Variants in EPHB4 observed in about 807,000 individuals in gnomAD.
EPHB4 encodes ephrin type-B receptor 4.
In EPHB4, 50 loss-of-function variants were observed where a neutral mutation model predicts 110.6. The observed-to-expected ratio is 0.45, with a 90% CI of 0.36 to 0.57. The LOEUF (loss-of-function observed/expected upper bound fraction) is 0.57. Among genes scored for constraint, EPHB4 ranks in the 20% least tolerant of loss-of-function variants. The probability of loss-of-function intolerance (pLI) is 0.00; values close to 1 mark genes in which losing one functional copy is unlikely to be tolerated. For missense variants in EPHB4, 1,128 were observed against 1,382.1 expected, an observed-to-expected ratio of 0.82 and a Z score of 2.91; for synonymous variants, 592 against 578.4, an observed-to-expected ratio of 1.02 and a Z score of -0.34.
intron 12 of EPHB4, among the ~76,000 whole-genome samples, chr7:100,811,901 G>A (rs1423860627): frequency 1.3e-5 from 2 of 151,842 alleles, no homozygotes; most frequent in Non-Finnish European, 2.9e-5. Context: ...GCCGGGCGCG[G>A]TGGCTCACGT....
intron 12 of EPHB4, among the ~76,000 whole-genome samples, chr7:100,811,058 T>C (rs1189686338): frequency 1.3e-5 from 2 of 152,028 alleles, no homozygotes; most frequent in African/African-American, 4.8e-5. Flanking sequence ...AAGACCAGCC[T>C]GGGCAACATG....
At chr7:100,814,305 G>A (rs12154438) in intron 8 of EPHB4, among the ~76,000 whole-genome samples, 15 of 152,228 alleles carry the variant, frequency 9.9e-5, no homozygotes, top group Admixed American at 9.8e-4. Flanking sequence ...TTGAGACGCA[G>A]TCTCACTCTG....
chr7:100,806,861 G>C lies in EPHB4; in HGVS notation c.2335-292C>G, dbSNP rs1259879978. 3.9e-5 allele frequency among the ~76,000 whole-genome samples: 6 copies of C among 152,112 alleles called. No homozygotes were observed. In the South Asian group the frequency reaches 6.2e-4, roughly 16 times the overall value. On this transcript the variant is annotated intron_variant, in intron 13 of 16. Coordinates refer to ENST00000358173, the MANE Select transcript of EPHB4 (RefSeq NM_004444.5). ...AATTTTGTATTTTTAGTAGCGACAG[G>C]GTTTTCCCATGTTGGCCAGGCTGGT...
At position 100,823,634 on chromosome 7, in the gene EPHB4, AC is replaced by A. The variant is rs1355294259; in HGVS notation, c.411+9del. 18 of 1,608,820 alleles carry A rather than the reference AC, an allele frequency of 1.1e-5. No homozygotes were observed. The highest frequency in any genetic ancestry group is 1.4e-5 in the Non-Finnish European group (17 of 1,176,880). ...TTGGCTGTGGCTGAGCCCTGGGGGC[AC>A]CCAGGTACCTTGATGTAGGGGTTCT... On this transcript the variant is annotated intron_variant, in intron 3 of 16. Coordinates refer to ENST00000358173, the MANE Select transcript of EPHB4 (RefSeq NM_004444.5).
chr7:100,818,564 G>A lies in EPHB4; in HGVS notation c.1378C>T (p.Pro460Ser), dbSNP rs1259405750. 4.3e-6 allele frequency: 7 copies of A among 1,613,864 alleles called. No homozygotes were observed. In the African/African-American group the frequency reaches 5.3e-5, roughly 12 times the overall value. ...TCGTAGTCCAGCACAGCCCCACTGG[G>A]TGCCCGGGGAACAGCCCAGGCCAGG... ...LSLAWAVPRAPSGAVLDYEVK... is the reference protein window; with the variant it reads ...LSLAWAVPRASSGAVLDYEVK... Residue 460 changes from proline (P) to serine (S), a missense_variant, in exon 7 of 17, where the codon CCC becomes TCC. By Grantham distance (74) the Pro-to-Ser change is moderately conservative. Coordinates refer to ENST00000358173, the MANE Select transcript of EPHB4 (RefSeq NM_004444.5).
In EPHB4 at chr7:100,822,523, C is replaced by T. The variant is rs1813261590; in HGVS notation, c.556G>A (p.Ala186Thr). The T allele has an allele frequency of 6.2e-7, 1 of 1,613,350 alleles. No homozygotes were observed. Among genetic ancestry groups the T allele is most frequent in the Non-Finnish European group, 8.5e-7 (1 of 1,179,958 alleles). Reference protein sequence around the residue: ...LAFQDQGACMALLSLHLFYKK... With the variant: ...LAFQDQGACMTLLSLHLFYKK... The stretch of plus-strand genomic sequence containing the variant: ...TAGAAGAGGTGCAGGGATAGCAGGG[C>T]CATGCAGGCACCCTGGTCCTGGAAG... Residue 186 changes from alanine (A) to threonine (T), a missense_variant, in exon 4 of 17, where the codon GCC becomes ACC. By Grantham distance (58) the Ala-to-Thr change is moderately conservative (BLOSUM62 0). Transcript: ENST00000358173. The surrounding 1 kb of genome is among the most constrained non-coding windows in gnomAD (Gnocchi z 4.7).
chr7:100,811,841 G>A (rs1027933960), intron 12 of EPHB4, among the ~76,000 whole-genome samples: 2 of 150,764 alleles, frequency 1.3e-5, no homozygotes, highest in Non-Finnish European at 2.9e-5. Flanking sequence ...CTGCACTCCA[G>A]CCTAGAGGAC....
chr7:100,806,813 G>A (rs1233300400), intron 13 of EPHB4, among the ~76,000 whole-genome samples: 1 of 152,102 alleles, frequency 6.6e-6, no homozygotes, highest in African/African-American at 2.4e-5. Context: ...TCGGATTACA[G>A]GCGTGTACCA....
Position 100,813,081 on chromosome 7 carries a change from C to T in EPHB4, c.1870+14G>A, listed in dbSNP as rs1812977818. On this transcript the variant is annotated intron_variant, in intron 11 of 16. Transcript: ENST00000358173. Reference sequence around the variant, plus strand: ...GCTTCGTTCCCAGGTGCCCGGGCAGCCTTCGGCTCTCACCTGCACCAATCA... The same window carrying T: ...GCTTCGTTCCCAGGTGCCCGGGCAGTCTTCGGCTCTCACCTGCACCAATCA... The T allele has an allele frequency of 1.2e-6, 2 of 1,613,240 alleles. No homozygotes were observed. Among genetic ancestry groups the T allele is most frequent in the African/African-American group, 1.3e-5 (1 of 74,942 alleles).
chr7:100,809,129 T>C (rs1584655471), intron 12 of EPHB4, among the ~76,000 whole-genome samples: 1 of 152,248 alleles, frequency 6.6e-6, no homozygotes, highest in African/African-American at 2.4e-5. Context: ...TTTTTTGAGA[T>C]GGAGTCTCGC....
chr7:100,817,779 C>T (rs1813113820), intron 7 of EPHB4, among the ~76,000 whole-genome samples: 1 of 151,872 alleles, frequency 6.6e-6, no homozygotes, highest in African/African-American at 2.4e-5. Flanking sequence ...TTCTACCCAC[C>T]TCGGCCTCCC....
Position 100,822,724 on chromosome 7 carries a change from A to T in EPHB4, c.412-57T>A. 1 of 1,459,546 alleles carries T rather than the reference A, an allele frequency of 6.9e-7. No homozygotes were observed. The highest frequency in any genetic ancestry group is 9.1e-7 in the Non-Finnish European group (1 of 1,103,592). 90.4% of individuals were successfully genotyped at this position (1,459,546 alleles called of 1,614,324 possible). A position where few individuals can be genotyped will look rare whatever the true frequency, so the allele number is the denominator to read the frequency against. ...TCCCCACTCCCTGAGGACCCAGCGG[A>T]CTGTTGTGTTCTTCCCAGCTCACCC... is the stretch of plus-strand genomic sequence containing the variant. On this transcript the variant is annotated intron_variant, in intron 3 of 16. Coordinates refer to ENST00000358173, the MANE Select transcript of EPHB4 (RefSeq NM_004444.5). This position sits in a 1 kb window ranked among gnomAD's most constrained non-coding sequence, Gnocchi z 4.7.
chr7:100,824,146 C>T lies in EPHB4; in HGVS notation c.123+57G>A, dbSNP rs1273485012. The T allele has an allele frequency of 1.8e-5, 29 of 1,608,348 alleles. No homozygotes were observed. The South Asian group carries it at 2.0e-4, about 11-fold the overall frequency. ...GCACACAGAAAGCAGGCGGCACAGG[C>T]GCCCTCTCCTCCCTCAGTTTCCCTC... On this transcript the variant is annotated intron_variant, in intron 2 of 16. Coordinates refer to ENST00000358173, the MANE Select transcript of EPHB4 (RefSeq NM_004444.5).
chr7:100,803,185 G>T lies in EPHB4; in HGVS notation c.*276C>A, dbSNP rs949452705. 3 of 278,104 alleles carry T rather than the reference G, an allele frequency of 1.1e-5. No individual in the cohort carries two copies. Among genetic ancestry groups the T allele is most frequent in the African/African-American group, 2.2e-5 (1 of 45,962 alleles). The allele number at this position is 278,104 out of a possible 1,614,324, so 17.2% of individuals were successfully genotyped here. A position where few individuals can be genotyped will look rare whatever the true frequency, so the allele number is the denominator to read the frequency against. On this transcript the variant is annotated 3_prime_UTR_variant, in exon 17 of 17. Coordinates refer to ENST00000358173, the MANE Select transcript of EPHB4 (RefSeq NM_004444.5). ...GTGAGGGGGGCACCTGGGGAGGCTG[G>T]GAGATGTTGGGCACTTCCTTTTCCT...
At chr7:100,826,958 C>A (rs779262095) in intron 1 of EPHB4, 21 bp downstream of exon 1, 16 of 1,539,700 alleles carry the variant, frequency 1.0e-5, no homozygotes, top group Admixed American at 2.0e-5. Flanking sequence ...GGGGTGCGCC[C>A]CCCCCCGCAA....
chr7:100,804,886 G>C (rs1031651744), intron 16 of EPHB4, among the ~76,000 whole-genome samples: 1 of 152,196 alleles, frequency 6.6e-6, no homozygotes, highest in African/African-American at 2.4e-5. Flanking sequence ...GCAGATAGAT[G>C]CACAAAGATA....
chr7:100,822,722 G>A lies in EPHB4; in HGVS notation c.412-55C>T, dbSNP rs1405687461. On this transcript the variant is annotated intron_variant, in intron 3 of 16. Transcript: ENST00000358173. This position sits in a 1 kb window ranked among gnomAD's most constrained non-coding sequence, Gnocchi z 4.7. ...TGTCCCCACTCCCTGAGGACCCAGC[G>A]GACTGTTGTGTTCTTCCCAGCTCAC... The A allele has an allele frequency of 4.7e-5, 68 of 1,460,858 alleles. No homozygotes were observed. Among genetic ancestry groups the A allele is most frequent in the South Asian group, 5.6e-5 (4 of 71,520 alleles). The allele number at this position is 1,460,858 out of a possible 1,614,324, so 90.5% of individuals were successfully genotyped here. A position where few individuals can be genotyped will look rare whatever the true frequency, so the allele number is the denominator to read the frequency against.
intron 10 of EPHB4, 58 bp downstream of exon 10, chr7:100,813,594 A>G: frequency 1.3e-6 from 2 of 1,590,204 alleles, no homozygotes; most frequent in Non-Finnish European, 1.7e-6. Flanking sequence ...GGGATTATAG[A>G]TAGGAGCCAC....
At chr7:100,820,388 T>C (rs1813195721) in intron 4 of EPHB4, 92 bp from the exon 5 acceptor site, 2 of 1,448,326 alleles carry the variant, frequency 1.4e-6, no homozygotes, top group Non-Finnish European at 1.8e-6. Flanking sequence ...CCCAGCACTT[T>C]GGGAGGCTGA....
Sources: allele counts gnomAD v4.1 joint callset (sites outside exome capture counted in the v4.1 genomes callset), GRCh38; gene constraint gnomAD v4.1.1; non-coding constraint Gnocchi (gnomAD v3.1); transcripts MANE v1.5; gene names NCBI Gene and HGNC (gene_info 2026-07-23, HGNC 2026-07-21).